The following TNRC18 variants were observed in gnomAD, a reference collection of about 807,000 sequenced individuals.
TNRC18 encodes trinucleotide repeat containing 18.
A neutral mutation model predicts 226.7 loss-of-function variants in TNRC18; 69 were observed. That is an observed-to-expected ratio of 0.30 (90% CI 0.25 to 0.37). The LOEUF is 0.37. TNRC18 is among the 10% of genes least tolerant of loss of function. The pLI, the probability that TNRC18 is intolerant of heterozygous loss-of-function variation, is 1.00. For missense variants in TNRC18, 4,754 were observed against 4,256.6 expected, an observed-to-expected ratio of 1.12 and a Z score of -3.25; for synonymous variants, 2,449 against 1,927.6, an observed-to-expected ratio of 1.27 and a Z score of -7.09.
In TNRC18 at chr7:5,306,950, GTTGAGGCCTTGGTTTCCCTTGAAGGC is replaced by G. The variant is rs898345139; in HGVS notation, c.*1130_*1155del. 2.6e-5 allele frequency: 4 copies of G among 151,454 alleles called. No homozygotes were observed. The highest frequency in any genetic ancestry group is 5.9e-5 in the Non-Finnish European group (4 of 67,912). The allele number at this position is 151,454 out of a possible 1,614,324, so 9.4% of individuals were successfully genotyped here. Reference sequence around the variant, plus strand: ...CTTTTCCTTCCCTCAAGATTGTCTGGTTGAGGCCTTGGTTTCCCTTGAAGGCTTGGGGCCTGGTTAAGTGCTTTCTG... The same window carrying G: ...CTTTTCCTTCCCTCAAGATTGTCTGGTTGGGGCCTGGTTAAGTGCTTTCTG... On this transcript the variant is annotated 3_prime_UTR_variant, in exon 30 of 30. Coordinates refer to ENST00000430969, the MANE Select transcript of TNRC18 (RefSeq NM_001080495.3).
At chr7:5,386,387 G>C (rs1416788611) in intron 5 of TNRC18, among the ~76,000 whole-genome samples, 3 of 151,686 alleles carry the variant, frequency 2.0e-5, no homozygotes, top group Non-Finnish European at 4.4e-5. Flanking sequence ...GACCAGCCTG[G>C]CCAACATGGC....
intron 5 of TNRC18, among the ~76,000 whole-genome samples, chr7:5,384,028 G>C (rs1241843963): frequency 7.3e-6 from 1 of 136,812 alleles, no homozygotes; most frequent in Non-Finnish European, 1.5e-5. Context: ...GCAATGGCAC[G>C]ATCTCAGCTC....
At position 5,361,907 on chromosome 7, in the gene TNRC18, G is replaced by T; in HGVS notation, c.4522C>A (p.Arg1508=). ...GGGGGACACACTCACTCGGAGTCCC[G>T]GCGGCGCTGCAGCTTCACCAGCTCA... The part of the protein sequence containing the change: ...QRELVKLQRR[R]DSEDRREEPH... The change falls in exon 13 of 30, where the codon CGG becomes AGG. Residue 1508 remains arginine, a synonymous_variant. Transcript: ENST00000430969. 1 of 1,572,182 alleles carries T rather than the reference G, an allele frequency of 6.4e-7. No individual in the cohort carries two copies. The highest frequency in any genetic ancestry group is 1.2e-5 in the South Asian group (1 of 86,210).
intron 17 of TNRC18, among the ~76,000 whole-genome samples, chr7:5,351,423 G>A (rs1317202308): frequency 7.1e-6 from 1 of 140,592 alleles, no homozygotes; most frequent in Non-Finnish European, 1.5e-5. Context: ...CCGAACCCGT[G>A]CCCAAAGAGA....
At chr7:5,384,620 G>C (rs1305266191) in intron 5 of TNRC18, among the ~76,000 whole-genome samples, 2 of 151,628 alleles carry the variant, frequency 1.3e-5, no homozygotes, top group African/African-American at 2.4e-5. Flanking sequence ...CCCCAACAAA[G>C]GTGCCACCCC....
At chr7:5,346,982 G>A (rs564623525) in intron 17 of TNRC18, among the ~76,000 whole-genome samples, 2 of 152,180 alleles carry the variant, frequency 1.3e-5, no homozygotes, top group South Asian at 2.1e-4. Context: ...GTAGACTGAG[G>A]CCCAATGGGG....
intron 2 of TNRC18, among the ~76,000 whole-genome samples, chr7:5,404,892 T>C (rs138368951): frequency 0.011 from 1,714 of 151,854 alleles, 41 homozygotes; most frequent in African/African-American, 0.039. Flanking sequence ...GGCGGGCAGA[T>C]TGCCTGAGCT....
rs746198957 is a variant in TNRC18 at position 5,308,926 on chromosome 7, G to A, written c.8649C>T (p.Arg2883=). The change falls in exon 29 of 30, where the codon CGC becomes CGT. Residue 2883 remains arginine, a synonymous_variant. Transcript: ENST00000430969. ...QGQHWDQKSS[R]SLPAALRVSS... The stretch of plus-strand genomic sequence containing the variant: ...AGACCCGCAGGGCCGCCGGGAGGCT[G>A]CGGCTGGACTTCTGGTCCCAGTGCT... 14 of 1,606,010 alleles carry A rather than the reference G, an allele frequency of 8.7e-6. No homozygotes were observed. Among genetic ancestry groups the A allele is most frequent in the South Asian group, 5.6e-5 (5 of 89,746 alleles).
rs1455331702 is a variant in TNRC18 at position 5,411,165 on chromosome 7, G to A, written c.187+9895C>T. Among the ~76,000 whole-genome samples, 3 of 144,660 alleles carry A rather than the reference G, an allele frequency of 2.1e-5. No homozygotes were observed. In the East Asian group the frequency reaches 6.3e-4, roughly 31 times the overall value. 94.9% of individuals were successfully genotyped at this position (144,660 alleles called of 152,430 possible). ...CAGGAGGTGGAGGTTGCAATGAGCT[G>A]AGATCGTGCCACTGCACTCCCGCTT... On this transcript the variant is annotated intron_variant, in intron 2 of 29. Transcript: ENST00000430969.
rs1251280521 is a variant in TNRC18 at position 5,312,248 on chromosome 7, G to C, written c.8388+255C>G. On this transcript the variant is annotated intron_variant, in intron 27 of 29. Coordinates refer to ENST00000430969, the MANE Select transcript of TNRC18 (RefSeq NM_001080495.3). This position sits in a 1 kb window ranked among gnomAD's most constrained non-coding sequence, Gnocchi z 6.3. Reference sequence around the variant, plus strand: ...CGTTTCCTTCATCTGGGCTCCACGAGGGTGGCTCTGCGTCCCGGGACCAGA... The same window carrying C: ...CGTTTCCTTCATCTGGGCTCCACGACGGTGGCTCTGCGTCCCGGGACCAGA... Among the ~76,000 whole-genome samples, 2 of 152,246 alleles carry C rather than the reference G, an allele frequency of 1.3e-5. No individual in the cohort carries two copies. Among genetic ancestry groups the C allele is most frequent in the Non-Finnish European group, 2.9e-5 (2 of 68,036 alleles).
intron 11 of TNRC18, among the ~76,000 whole-genome samples, chr7:5,366,318 C>T (rs1240232942): frequency 1.0e-3 from 72 of 70,470 alleles, no homozygotes; most frequent in South Asian, 2.0e-3. Flanking sequence ...CTTCTTATAT[C>T]TTTTTTTTTT....
intron 17 of TNRC18, 39 bp from the exon 18 acceptor site, chr7:5,345,849 C>A: frequency 1.3e-6 from 2 of 1,517,068 alleles, no homozygotes. Context: ...AGAGCCTTGG[C>A]CTTGGCGAGG....
At position 5,324,144 on chromosome 7, in the gene TNRC18, C is replaced by T; in HGVS notation, c.6442+70G>A. The T allele has an allele frequency of 3.3e-6, 5 of 1,507,032 alleles. No individual in the cohort carries two copies. The highest frequency in any genetic ancestry group is 3.6e-6 in the Non-Finnish European group (4 of 1,126,732). 93.4% of individuals were successfully genotyped at this position (1,507,032 alleles called of 1,614,324 possible). ...CCCAGCCCTTCAGTCTCAAGCCTTGCTCAGATCTGCCTCCCCCAAGGGAGG... is the reference window on the plus strand; with the variant it reads ...CCCAGCCCTTCAGTCTCAAGCCTTGTTCAGATCTGCCTCCCCCAAGGGAGG... On this transcript the variant is annotated intron_variant, in intron 21 of 29. Transcript: ENST00000430969. The surrounding 1 kb of genome is among the most constrained non-coding windows in gnomAD (Gnocchi z 4.8).
intron 29 of TNRC18, among the ~76,000 whole-genome samples, 160 bp downstream of exon 29, chr7:5,308,711 CAGAG>C (rs1297587771): frequency 6.6e-6 from 1 of 152,120 alleles, no homozygotes; most frequent in African/African-American, 2.4e-5. Flanking sequence ...ACCAGAGAGA[CAGAG>C]AACAGGAGCC....
chr7:5,345,561 C>A lies in TNRC18; in HGVS notation c.5719+1G>T. On this transcript the variant is annotated splice_donor_variant, in intron 18 of 29. Coordinates refer to ENST00000430969, the MANE Select transcript of TNRC18 (RefSeq NM_001080495.3). LOFTEE classifies it high-confidence loss of function. ...ACCGCAGCCCACCTGCTGCCACTTACCCAGCAGGCTCTGCCGCTCCTCTTT... is the reference window on the plus strand; with the variant it reads ...ACCGCAGCCCACCTGCTGCCACTTAACCAGCAGGCTCTGCCGCTCCTCTTT... 2 of 1,378,992 alleles carry A rather than the reference C, an allele frequency of 1.5e-6. No individual in the cohort carries two copies. The highest frequency in any genetic ancestry group is 1.9e-6 in the Non-Finnish European group (2 of 1,038,722). The allele number at this position is 1,378,992 out of a possible 1,614,324, so 85.4% of individuals were successfully genotyped here. A position where few individuals can be genotyped will look rare whatever the true frequency, so the allele number is the denominator to read the frequency against.
chr7:5,392,401 T>G (rs1780364623), intron 3 of TNRC18, among the ~76,000 whole-genome samples: 1 of 152,036 alleles, frequency 6.6e-6, no homozygotes. Context: ...AGGCAGAGGT[T>G]GCAGTGAACC....
rs529559640 is a variant in TNRC18 at position 5,367,699 on chromosome 7, A to G, written c.4219+2676T>C. Among the ~76,000 whole-genome samples the G allele has an allele frequency of 5.9e-5, 9 of 151,782 alleles. No homozygotes were observed. The South Asian group carries it at 1.9e-3, about 32-fold the overall frequency. On this transcript the variant is annotated intron_variant, in intron 11 of 29. Coordinates refer to ENST00000430969, the MANE Select transcript of TNRC18 (RefSeq NM_001080495.3). Reference sequence around the variant, plus strand: ...CGCCTCGGCCTCCCAAAATGCTGGGATTACAGGCGTGTGCCACCGTGCCTG... The same window carrying G: ...CGCCTCGGCCTCCCAAAATGCTGGGGTTACAGGCGTGTGCCACCGTGCCTG...
rs757523166 is a variant in TNRC18, at chr7:5,376,036, C to T, written c.2797G>A (p.Val933Met). The change falls in exon 9 of 30, where the codon GTG (valine) becomes ATG (methionine). Residue 933 changes from valine to methionine, a missense_variant and splice_region_variant. Transcript: ENST00000430969. ...ALELQRSAQLVQERLKAQEHR... is the reference protein window; with the variant it reads ...ALELQRSAQLMQERLKAQEHR... ...GCGCCTCATCCTCCCCGACTTACCA[C>T]GAGCTGGGCGCTCCTCTGCAGTTCC... The T allele has an allele frequency of 5.8e-5, 93 of 1,590,904 alleles. No individual in the cohort carries two copies. The highest frequency in any genetic ancestry group is 9.4e-5 in the African/African-American group (7 of 74,416).
chr7:5,331,884 T>A (rs975057403), intron 19 of TNRC18, among the ~76,000 whole-genome samples: 1 of 152,098 alleles, frequency 6.6e-6, no homozygotes, highest in African/African-American at 2.4e-5. Context: ...CACTCCAGCC[T>A]GGGTGACAGA....
Sources: allele counts gnomAD v4.1 joint callset (sites outside exome capture counted in the v4.1 genomes callset), GRCh38; gene constraint gnomAD v4.1.1; non-coding constraint Gnocchi (gnomAD v3.1); transcripts MANE v1.5; gene names NCBI Gene and HGNC (gene_info 2026-07-23, HGNC 2026-07-21).